The following NTN1 variants were observed in gnomAD, a reference collection of about 807,000 sequenced individuals.
The protein encoded by NTN1 is netrin 1.
A neutral mutation model predicts 54.2 loss-of-function variants in NTN1; 11 were observed. The ratio of observed to expected loss-of-function variants is 0.20; its 90% CI spans 0.13 to 0.34. The LOEUF (loss-of-function observed/expected upper bound fraction) is 0.34. Among genes scored for constraint, NTN1 ranks in the 10% least tolerant of loss-of-function variants. The pLI is 1.00. For synonymous variants in NTN1, 371 were observed against 382.0 expected (o/e 0.97, Z 0.33); for missense variants, 740 against 893.1 (o/e 0.83, Z 2.18).
chr17:9,102,006 A>C (rs1453989115), intron 2 of NTN1, among the ~76,000 whole-genome samples: 2 of 152,234 alleles, frequency 1.3e-5, no homozygotes, highest in Non-Finnish European at 2.9e-5. Context: ...AAAACAAAAC[A>C]TAAGAGGAAA....
intron 6 of NTN1, among the ~76,000 whole-genome samples, chr17:9,232,661 G>A (rs1597552797): frequency 6.6e-6 from 1 of 152,292 alleles, no homozygotes; most frequent in East Asian, 1.9e-4. Flanking sequence ...GGCAGCGGTG[G>A]CAGTTGCCAG....
intron 2 of NTN1, among the ~76,000 whole-genome samples, chr17:9,099,162 G>A (rs1448094236): frequency 2.0e-5 from 3 of 152,222 alleles, no homozygotes; most frequent in Non-Finnish European, 2.9e-5. Flanking sequence ...CCAGCACTTT[G>A]GGAGGCTGAG....
chr17:9,181,479 G>GGA (rs2092418929), intron 4 of NTN1, among the ~76,000 whole-genome samples: 1 of 152,156 alleles, frequency 6.6e-6, no homozygotes, highest in African/African-American at 2.4e-5. Flanking sequence ...GTTCCTGCTG[G>GGA]GACCAGGTGG....
chr17:9,076,371 C>A (rs2092049633), intron 2 of NTN1, among the ~76,000 whole-genome samples: 1 of 152,060 alleles, frequency 6.6e-6, no homozygotes, highest in Non-Finnish European at 1.5e-5. Flanking sequence ...TATTTTATTT[C>A]TATTTTTAAG....
chr17:9,115,682 G>C (rs1395312087), intron 2 of NTN1, among the ~76,000 whole-genome samples: 1 of 152,276 alleles, frequency 6.6e-6, no homozygotes, highest in Admixed American at 6.5e-5. Flanking sequence ...TTCCCCCCCG[G>C]GGCGGGGACA....
intron 2 of NTN1, among the ~76,000 whole-genome samples, chr17:9,153,944 G>A (rs1201449461): frequency 6.6e-6 from 1 of 152,202 alleles, no homozygotes; most frequent in East Asian, 1.9e-4. Flanking sequence ...CCATATCTAG[G>A]AGACTGTTTG....
intron 2 of NTN1, among the ~76,000 whole-genome samples, chr17:9,162,579 G>A (rs953152251): frequency 6.6e-6 from 1 of 152,328 alleles, no homozygotes; most frequent in Middle Eastern, 3.4e-3. Flanking sequence ...GGGGGTCACG[G>A]CTTCAACATA....
At chr17:9,054,487 A>G (rs2091971853) in intron 2 of NTN1, among the ~76,000 whole-genome samples, 1 of 152,202 alleles carries the variant, frequency 6.6e-6, no homozygotes. Context: ...TGTTTGTTCT[A>G]TAATGGGGAT....
intron 2 of NTN1, among the ~76,000 whole-genome samples, chr17:9,138,171 A>C (rs990705927): frequency 6.6e-6 from 1 of 151,742 alleles, no homozygotes; most frequent in Non-Finnish European, 1.5e-5. Context: ...CAACTTGAAA[A>C]CCCCCTGGGC....
intron 2 of NTN1, among the ~76,000 whole-genome samples, chr17:9,134,111 G>A (rs191471069): frequency 3.0e-4 from 45 of 151,692 alleles, no homozygotes; most frequent in Non-Finnish European, 2.2e-4. Context: ...TCACCATGTT[G>A]GCCGGCTGGT....
the NTN1 span, among the ~76,000 whole-genome samples, chr17:9,011,371 A>G: frequency 6.6e-6 from 1 of 152,012 alleles, no homozygotes; most frequent in Non-Finnish European, 1.5e-5. Context: ...CATGGCTCCA[A>G]TCTCTGCCTC....
At chr17:9,087,807 C>A (rs1336463723) in intron 2 of NTN1, among the ~76,000 whole-genome samples, 1 of 152,236 alleles carries the variant, frequency 6.6e-6, no homozygotes, top group Non-Finnish European at 1.5e-5. Flanking sequence ...CACATAAAGC[C>A]AGACTTGTGC....
At chr17:9,233,971 GC>G (rs1231571279) in intron 6 of NTN1, among the ~76,000 whole-genome samples, 1 of 152,132 alleles carries the variant, frequency 6.6e-6, no homozygotes, top group Non-Finnish European at 1.5e-5. Flanking sequence ...CCTGCCCTGG[GC>G]CTGCCTCCTA....
At chr17:9,017,632 G>A (rs1198090659), upstream of NTN1, among the ~76,000 whole-genome samples, 8 of 152,152 alleles carry the variant, frequency 5.3e-5, no homozygotes, top group East Asian at 3.9e-4. Context: ...CGGTGTTTCC[G>A]CCTCTCAACG....
chr17:9,008,264 T>G, the NTN1 span, among the ~76,000 whole-genome samples: 26 of 152,186 alleles, frequency 1.7e-4, no homozygotes, highest in Admixed American at 3.3e-4. Context: ...GCAGTATCAC[T>G]GGATTTGCTG....
intron 2 of NTN1, 73 bp downstream of exon 2, chr17:9,023,464 G>T: frequency 1.5e-6 from 2 of 1,318,428 alleles, no homozygotes; most frequent in South Asian, 2.1e-5. Flanking sequence ...TCGCAGCGGC[G>T]AGTTCATAGG....
At chr17:9,129,537 T>C (rs895655874) in intron 2 of NTN1, among the ~76,000 whole-genome samples, 5 of 152,222 alleles carry the variant, frequency 3.3e-5, no homozygotes, top group Admixed American at 6.5e-5. Flanking sequence ...AAAAGTTCTG[T>C]TCAGGCTAAA....
chr17:9,143,593 C>T (rs1251072467), intron 2 of NTN1, among the ~76,000 whole-genome samples: 2 of 152,198 alleles, frequency 1.3e-5, no homozygotes, highest in African/African-American at 4.8e-5. Context: ...ATGGGACTCT[C>T]CTGGTGACAA....
chr17:9,025,208 CCA>C (rs1320579036), intron 2 of NTN1, among the ~76,000 whole-genome samples: 1 of 152,178 alleles, frequency 6.6e-6, no homozygotes, highest in East Asian at 1.9e-4. Context: ...TTCAGATTCA[CCA>C]CCCACCCCCA....
Sources: gnomAD v4.1 joint callset for allele counts (sites outside exome capture counted in the v4.1 genomes callset) on GRCh38, gnomAD v4.1.1 for gene constraint, MANE v1.5 for transcripts, NCBI Gene and HGNC (gene_info 2026-07-23, HGNC 2026-07-21) for gene names.